The following SYNPO2 variants were observed in gnomAD, a reference collection of about 807,000 sequenced individuals.
The protein encoded by SYNPO2 is synaptopodin-2.
A neutral mutation model predicts 85.0 loss-of-function variants in SYNPO2; 56 were observed. The observed-to-expected ratio is 0.66, with a 90% CI of 0.53 to 0.82. The LOEUF (loss-of-function observed/expected upper bound fraction) is 0.82. SYNPO2 is among the 40% of genes least tolerant of loss of function. The pLI is 0.00. For missense variants in SYNPO2, 1,575 were observed against 1,534.2 expected (o/e 1.03, Z -0.44); for synonymous variants, 602 against 591.1 (o/e 1.02, Z -0.27).
intron 1 of SYNPO2, among the ~76,000 whole-genome samples, chr4:119,014,845 G>T (rs1737465737): frequency 6.6e-6 from 1 of 152,170 alleles, no homozygotes; most frequent in Admixed American, 6.5e-5. Context: ...GCACCAGACA[G>T]TTTTTTTGTC....
At chr4:119,048,649 C>A (rs1738945232) in intron 4 of SYNPO2, among the ~76,000 whole-genome samples, 1 of 152,106 alleles carries the variant, frequency 6.6e-6, no homozygotes, top group African/African-American at 2.4e-5. Flanking sequence ...AGGTAGGAGT[C>A]ATGCTGGTAC....
chr4:119,056,864 A>G (rs1366528251), intron 4 of SYNPO2, among the ~76,000 whole-genome samples: 1 of 152,222 alleles, frequency 6.6e-6, no homozygotes, highest in Non-Finnish European at 1.5e-5. Context: ...TGTTTTTGCT[A>G]TATTCATTCA....
At chr4:119,054,884 A>G (rs964192219) in intron 4 of SYNPO2, among the ~76,000 whole-genome samples, 3 of 152,110 alleles carry the variant, frequency 2.0e-5, no homozygotes, top group Non-Finnish European at 4.4e-5. Context: ...TCCTGCCTCT[A>G]TCATAATCAA....
At chr4:118,919,813 G>A (rs1733474957) in intron 1 of SYNPO2, among the ~76,000 whole-genome samples, 1 of 152,204 alleles carries the variant, frequency 6.6e-6, no homozygotes, top group African/African-American at 2.4e-5. Context: ...CTGAGTACAG[G>A]AGTTGGCTAC....
intron 1 of SYNPO2, among the ~76,000 whole-genome samples, chr4:118,876,239 C>T (rs1314656975): frequency 1.3e-5 from 2 of 152,162 alleles, no homozygotes; most frequent in African/African-American, 2.4e-5. Flanking sequence ...CACTAGTCTT[C>T]ATCTGTTCTT....
At chr4:118,922,544 T>C (rs1357371585) in intron 1 of SYNPO2, among the ~76,000 whole-genome samples, 2 of 152,112 alleles carry the variant, frequency 1.3e-5, no homozygotes, top group African/African-American at 4.8e-5. Flanking sequence ...TCTTTTTTTT[T>C]TGAACCCTCT....
At chr4:118,874,705 A>AATACAATACAAGAAAATT (rs1245112517) in intron 1 of SYNPO2, among the ~76,000 whole-genome samples, 7 of 152,168 alleles carry the variant, frequency 4.6e-5, no homozygotes, top group Admixed American at 2.6e-4. Flanking sequence ...TTTTAAGAAA[A>AATACAATACAAGAAAATT]ATAATACAAA....
chr4:118,937,354 G>A lies in SYNPO2; in HGVS notation c.105+48213G>A, dbSNP rs141270170. 2.3e-3 allele frequency among the ~76,000 whole-genome samples: 346 copies of A among 152,030 alleles called. 1 individual carries two copies. The highest frequency in any genetic ancestry group is 1.3e-3 in the Non-Finnish European group (89 of 67,956). On this transcript the variant is annotated intron_variant, in intron 1 of 4. Coordinates refer to ENST00000307142, the MANE Select transcript of SYNPO2 (RefSeq NM_133477.3). ...CCTCTCCCCTGCTTGAAACACTCCC[G>A]GTCTCTTTGCCTGACAAACTCCTAC...
intron 1 of SYNPO2, among the ~76,000 whole-genome samples, chr4:118,924,550 A>G (rs940520937): frequency 5.9e-5 from 9 of 152,172 alleles, no homozygotes; most frequent in African/African-American, 2.2e-4. Context: ...ATGGTCATGG[A>G]TGCTGGCATT....
intron 4 of SYNPO2, among the ~76,000 whole-genome samples, chr4:119,051,797 G>A (rs1739059520): frequency 6.6e-6 from 1 of 152,144 alleles, no homozygotes; most frequent in South Asian, 2.1e-4. Flanking sequence ...TACAACAGAT[G>A]CTGCCCACTG....
intron 4 of SYNPO2, among the ~76,000 whole-genome samples, chr4:119,039,276 C>T (rs2149196101): frequency 6.6e-6 from 1 of 152,072 alleles, no homozygotes; most frequent in South Asian, 2.1e-4. Flanking sequence ...AGCCTCGGGA[C>T]CCAACAGTCA....
At chr4:119,022,774 A>AT (rs1348743897) in intron 1 of SYNPO2, among the ~76,000 whole-genome samples, 1 of 115,394 alleles carries the variant, frequency 8.7e-6, no homozygotes. Flanking sequence ...ATTTTATTTT[A>AT]TTTTATTTTA....
intron 1 of SYNPO2, among the ~76,000 whole-genome samples, chr4:118,900,132 T>C (rs989247636): frequency 6.6e-6 from 1 of 152,232 alleles, no homozygotes; most frequent in Non-Finnish European, 1.5e-5. Context: ...TGTGCTATTA[T>C]GATGTTTTAA....
intron 1 of SYNPO2, among the ~76,000 whole-genome samples, chr4:118,869,482 T>C: frequency 6.6e-6 from 1 of 152,248 alleles, no homozygotes; most frequent in African/African-American, 2.4e-5. Context: ...CTACATTTAG[T>C]GTTTCCATTT....
chr4:118,890,414 A>T (rs1333912505), intron 1 of SYNPO2, among the ~76,000 whole-genome samples: 1 of 152,170 alleles, frequency 6.6e-6, no homozygotes, highest in Non-Finnish European at 1.5e-5. Flanking sequence ...CAGAGATGTT[A>T]AGTAACTTGC....
chr4:118,913,151 G>A (rs1377906191), intron 1 of SYNPO2, among the ~76,000 whole-genome samples: 1 of 152,128 alleles, frequency 6.6e-6, no homozygotes, highest in East Asian at 1.9e-4. Context: ...AATTTTCATG[G>A]AAAAGGCAGA....
intron 4 of SYNPO2, among the ~76,000 whole-genome samples, chr4:119,052,026 CAAG>C (rs1739066365): frequency 6.6e-6 from 1 of 152,070 alleles, no homozygotes; most frequent in Admixed American, 6.5e-5. Flanking sequence ...AAGCTGTGTG[CAAG>C]AAGAGTTTCA....
intron 4 of SYNPO2, chr4:119,033,810 C>T: frequency 1.0e-6 from 1 of 984,500 alleles, no homozygotes; most frequent in Non-Finnish European, 1.2e-6. Context: ...TGATATTTCT[C>T]TATATGGCTC....
intron 4 of SYNPO2, among the ~76,000 whole-genome samples, chr4:119,045,424 CG>C (rs1738844638): frequency 6.6e-6 from 1 of 151,988 alleles, no homozygotes; most frequent in Non-Finnish European, 1.5e-5. Context: ...GCTCTCTAGC[CG>C]GGGTGATAGA....
Sources: allele counts gnomAD v4.1 joint callset (sites outside exome capture counted in the v4.1 genomes callset), GRCh38; gene constraint gnomAD v4.1.1; transcripts MANE v1.5; gene names NCBI Gene and HGNC (gene_info 2026-07-23, HGNC 2026-07-21).